DNAJC6: variants seen among roughly 807,000 people sequenced by gnomAD.
DNAJC6 encodes the protein DnaJ heat shock protein family (Hsp40) member C6.
Under a neutral mutation model 110.0 loss-of-function variants are expected in DNAJC6, and 34 were observed. The ratio of observed to expected loss-of-function variants is 0.31; its 90% CI spans 0.24 to 0.41. The LOEUF (loss-of-function observed/expected upper bound fraction) is 0.41. Ranked by LOEUF, DNAJC6 falls within the 10% of genes least tolerant of loss-of-function variation. The pLI is 1.00. For synonymous variants in DNAJC6, 406 were observed against 437.2 expected (o/e 0.93, Z 0.89); for missense variants, 1,031 against 1,207.8 (o/e 0.85, Z 2.17).
At chr1:65,358,437 A>G (rs1308175594) in intron 1 of DNAJC6, among the ~76,000 whole-genome samples, 1 of 152,186 alleles carries the variant, frequency 6.6e-6, no homozygotes, top group East Asian at 1.9e-4. Flanking sequence ...CCTTGTGTAT[A>G]AGATGAAGAT....
At chr1:65,341,925 C>G (rs982250882) in intron 1 of DNAJC6, among the ~76,000 whole-genome samples, 4 of 152,110 alleles carry the variant, frequency 2.6e-5, no homozygotes, top group Non-Finnish European at 5.9e-5. Flanking sequence ...TTTTCCACTC[C>G]TGCCTGTTCA....
chr1:65,388,301 A>C, intron 8 of DNAJC6, 35 bp from the exon 9 acceptor site: 1 of 1,575,852 alleles, frequency 6.3e-7, no homozygotes, highest in Non-Finnish European at 8.7e-7. Context: ...CTTTTCGCTG[A>C]TTGATTGTAA....
intron 1 of DNAJC6, among the ~76,000 whole-genome samples, chr1:65,339,402 C>T (rs1034186281): frequency 1.3e-5 from 2 of 152,102 alleles, no homozygotes; most frequent in Non-Finnish European, 2.9e-5. Context: ...ATTGTGTGAC[C>T]TCTGCAAGAA....
intron 1 of DNAJC6, among the ~76,000 whole-genome samples, chr1:65,287,608 AT>A (rs1453330819): frequency 6.6e-6 from 1 of 151,884 alleles, no homozygotes; most frequent in African/African-American, 2.4e-5. Flanking sequence ...AATCTCTTTT[AT>A]TTATTTTTTT....
chr1:65,320,017 T>A (rs544512375), intron 1 of DNAJC6, among the ~76,000 whole-genome samples: 2 of 152,324 alleles, frequency 1.3e-5, no homozygotes, highest in African/African-American at 4.8e-5. Flanking sequence ...GGGATATGTG[T>A]ACGCATGTGA....
At chr1:65,321,356 C>T (rs2101414531) in intron 1 of DNAJC6, among the ~76,000 whole-genome samples, 1 of 152,174 alleles carries the variant, frequency 6.6e-6, no homozygotes, top group South Asian at 2.1e-4. Context: ...ATGCACCCCA[C>T]CATGCAGGGC....
At chr1:65,357,062 A>G (rs928277324) in intron 1 of DNAJC6, among the ~76,000 whole-genome samples, 5 of 152,210 alleles carry the variant, frequency 3.3e-5, no homozygotes, top group African/African-American at 9.6e-5. Context: ...TGTGATAATG[A>G]CACGAGTTCC....
intron 1 of DNAJC6, among the ~76,000 whole-genome samples, chr1:65,331,989 G>A (rs1356194464): frequency 5.9e-5 from 9 of 152,144 alleles, no homozygotes; most frequent in Admixed American, 5.2e-4. Flanking sequence ...CTCTGGGGGG[G>A]CCTGGACTTC....
intron 1 of DNAJC6, among the ~76,000 whole-genome samples, chr1:65,277,844 C>T (rs1653721911): frequency 1.3e-5 from 2 of 152,316 alleles, no homozygotes; most frequent in African/African-American, 4.8e-5. Flanking sequence ...GAGGCAGTCT[C>T]CTGGTCGAAG....
intron 1 of DNAJC6, among the ~76,000 whole-genome samples, chr1:65,342,905 T>C (rs1288188824): frequency 6.6e-6 from 1 of 152,218 alleles, no homozygotes; most frequent in Non-Finnish European, 1.5e-5. Context: ...TTGATACAGA[T>C]AGAAATTAAG....
chr1:65,362,453 A>T (rs1182166649), intron 1 of DNAJC6, among the ~76,000 whole-genome samples: 1 of 152,206 alleles, frequency 6.6e-6, no homozygotes, highest in Non-Finnish European at 1.5e-5. Flanking sequence ...TTTTGTCATC[A>T]TATAGTTGGA....
intron 4 of DNAJC6, 46 bp from the exon 5 acceptor site, chr1:65,379,356 A>T: frequency 6.2e-7 from 1 of 1,610,024 alleles, no homozygotes; most frequent in African/African-American, 1.3e-5. Context: ...GCTTATGAAG[A>T]GGAAGTTGCT....
chr1:65,293,957 G>A (rs1038596690), intron 1 of DNAJC6, among the ~76,000 whole-genome samples: 1 of 152,150 alleles, frequency 6.6e-6, no homozygotes, highest in African/African-American at 2.4e-5. Flanking sequence ...AAATTACTAT[G>A]TTCCAGGCAT....
At chr1:65,300,704 A>T (rs749360578) in intron 1 of DNAJC6, among the ~76,000 whole-genome samples, 9 of 152,318 alleles carry the variant, frequency 5.9e-5, no homozygotes, top group East Asian at 1.9e-4. Flanking sequence ...GGATAAATAC[A>T]TGAAAAACCC....
chr1:65,372,927 T>A (rs923326178), intron 4 of DNAJC6, among the ~76,000 whole-genome samples: 1 of 152,178 alleles, frequency 6.6e-6, no homozygotes, highest in Non-Finnish European at 1.5e-5. Context: ...TACAGTTTAA[T>A]TACATTTATA....
At position 65,379,339 on chromosome 1, in the gene DNAJC6, A is replaced by G. The variant is rs564907271; in HGVS notation, c.544-63A>G. The G allele has an allele frequency of 1.2e-5, 19 of 1,600,458 alleles. No individual in the cohort carries two copies. In the East Asian group the frequency reaches 3.4e-4, roughly 28 times the overall value. On this transcript the variant is annotated intron_variant, in intron 4 of 18. Transcript: ENST00000371069. ...CTTCCAGAAGATGTTGGTTGGTGTG[A>G]TAACCTGCTTATGAAGAGGAAGTTG...
chr1:65,407,753 C>T, intron 16 of DNAJC6, among the ~76,000 whole-genome samples: 1 of 152,112 alleles, frequency 6.6e-6, no homozygotes, highest in East Asian at 1.9e-4. Context: ...CAGCAGGGAA[C>T]AAGAAACAAA....
chr1:65,300,060 A>AAAAAG (rs1557506358), intron 1 of DNAJC6, among the ~76,000 whole-genome samples: 2 of 149,706 alleles, frequency 1.3e-5, no homozygotes, highest in African/African-American at 4.9e-5. Context: ...AAAAAAAAAA[A>AAAAAG]AAAGAAAAAA....
At chr1:65,359,127 T>C (rs1423824782) in intron 1 of DNAJC6, among the ~76,000 whole-genome samples, 2 of 152,220 alleles carry the variant, frequency 1.3e-5, no homozygotes, top group African/African-American at 4.8e-5. Flanking sequence ...AGCATTTGTG[T>C]TTATCTTCTT....
Sources: gnomAD v4.1 joint callset for allele counts (sites outside exome capture counted in the v4.1 genomes callset) on GRCh38, gnomAD v4.1.1 for gene constraint, MANE v1.5 for transcripts, NCBI Gene and HGNC (gene_info 2026-07-23, HGNC 2026-07-21) for gene names.